MYH14: variants seen among roughly 807,000 people sequenced by gnomAD.
MYH14 encodes the protein myosin heavy chain 14.
A neutral mutation model predicts 255.5 loss-of-function variants in MYH14; 123 were observed. The observed-to-expected ratio is 0.48, with a 90% CI of 0.42 to 0.56. The LOEUF (loss-of-function observed/expected upper bound fraction) is 0.56. Among genes scored for constraint, MYH14 ranks in the 20% least tolerant of loss-of-function variants. The pLI, the probability that MYH14 is intolerant of heterozygous loss-of-function variation, is 0.00. For synonymous variants in MYH14, 1,095 were observed against 1,161.2 expected (o/e 0.94, Z 1.16); for missense variants, 2,423 against 2,802.3 (o/e 0.86, Z 3.06).
intron 40 of MYH14, among the ~76,000 whole-genome samples, chr19:50,306,261 C>T (rs184091125): frequency 6.6e-6 from 1 of 152,320 alleles, no homozygotes; most frequent in Admixed American, 6.5e-5. Context: ...GCCTGGGCAA[C>T]AAGAGTGAAA....
chr19:50,259,184 G>A lies in MYH14; in HGVS notation c.2273G>A (p.Arg758His), dbSNP rs750250667. 5.1e-6 allele frequency: 8 copies of A among 1,569,888 alleles called. No homozygotes were observed. In the East Asian group the frequency reaches 9.4e-5, roughly 19 times the overall value. ...CCACGGCTGGTGCTGGACCAGCTTC[G>A]CTGCAACGGGGTCCTGGAGGGCATC... is the stretch of plus-strand genomic sequence containing the variant. ...LEPRLVLDQLRCNGVLEGIRI... is the reference protein window; with the variant it reads ...LEPRLVLDQLHCNGVLEGIRI... Residue 758 changes from arginine to histidine, a missense_variant, in exon 19 of 43, where the codon CGC becomes CAC. Coordinates refer to ENST00000642316, the MANE Select transcript of MYH14 (RefSeq NM_001145809.2).
chr19:50,216,950 G>A (rs1221850892), intron 2 of MYH14, among the ~76,000 whole-genome samples: 2 of 150,180 alleles, frequency 1.3e-5, no homozygotes, highest in East Asian at 4.0e-4. Context: ...TGGGACTACA[G>A]GCATGTGTCA....
Position 50,289,584 on chromosome 19 carries a change from A to G in MYH14, c.4901A>G (p.His1634Arg), listed in dbSNP as rs1056066716. ...EVTVQALKTQ[H>R]ERDLQGRDEA... ...ACTGTGCAGGCTCTCAAGACTCAGC[A>G]TGAGCGTGACCTGCAGGGCCGTGAT... Residue 1634 changes from histidine (H) to arginine (R), a missense_variant, in exon 35 of 43, where the codon CAT (histidine) becomes CGT (arginine). Physicochemically the swap from His to Arg is conservative, Grantham distance 29 (BLOSUM62 0). Around this residue, in one of 3 missense-constraint regions of MYH14, gnomAD observed 1,513 missense variants for 1,674.8 expected, o/e 0.90. Transcript: ENST00000642316. 1.2e-6 allele frequency: 2 copies of G among 1,613,074 alleles called. No individual in the cohort carries two copies. The highest frequency in any genetic ancestry group is 1.7e-4 in the Middle Eastern group (1 of 6,032).
intron 11 of MYH14, 54 bp downstream of exon 11, chr19:50,244,391 C>T (rs895372224): frequency 1.6e-4 from 237 of 1,442,978 alleles, no homozygotes; most frequent in Non-Finnish European, 2.2e-4. Flanking sequence ...CAGGTGGTGC[C>T]CAGCCCTCCT....
In MYH14 at chr19:50,274,991, A is replaced by C. The variant is rs191482058; in HGVS notation, c.3468-1000A>C. Among the ~76,000 whole-genome samples the C allele has an allele frequency of 2.2e-3, 338 of 151,342 alleles. 1 individual carries two copies. The highest frequency in any genetic ancestry group is 4.2e-3 in the Admixed American group (64 of 15,212). On this transcript the variant is annotated intron_variant, in intron 27 of 42. Transcript: ENST00000642316. ...CATCCCTCCTTCTCCCCAGCCTGGCAGCCTCTGATCCACTTTCTGTCTAAA... is the reference window on the plus strand; with the variant it reads ...CATCCCTCCTTCTCCCCAGCCTGGCCGCCTCTGATCCACTTTCTGTCTAAA...
At chr19:50,254,208 ACT>A (rs1249528975) in intron 16 of MYH14, among the ~76,000 whole-genome samples, 1 of 149,052 alleles carries the variant, frequency 6.7e-6, no homozygotes, top group Non-Finnish European at 1.5e-5. Flanking sequence ...CAAGAGTGAA[ACT>A]CTGTCTCAAA....
At chr19:50,271,682 G>A in intron 25 of MYH14, 136 bp downstream of exon 25, 1 of 1,453,114 alleles carries the variant, frequency 6.9e-7, no homozygotes. Context: ...TGGGTCTATA[G>A]CCCCAAGGGA....
rs2036818145 is a variant in MYH14 at position 50,310,286 on chromosome 19, A to G, written c.*496A>G. 5.5e-6 allele frequency: 1 copy of G among 182,852 alleles called. No homozygotes were observed. Among genetic ancestry groups the G allele is most frequent in the African/African-American group, 2.4e-5 (1 of 41,198 alleles). The allele number at this position is 182,852 out of a possible 1,614,324, so 11.3% of individuals were successfully genotyped here. On this transcript the variant is annotated 3_prime_UTR_variant, in exon 43 of 43. Transcript: ENST00000642316. ...TTTAGGAATCTCGCTCTCACTCTCT[A>G]CGTAGCCACTCTCCTTCCCCCATTT...
chr19:50,286,448 A>G (rs1242746411), intron 33 of MYH14, 34 bp from the exon 34 acceptor site: 3 of 1,586,860 alleles, frequency 1.9e-6, no homozygotes, highest in East Asian at 2.3e-5. Flanking sequence ...CAGCTAATCT[A>G]TTTCCCCCTA....
In MYH14 at chr19:50,253,752, C is replaced by T. The variant is rs993856098; in HGVS notation, c.1945+999C>T. Reference sequence around the variant, plus strand: ...TTTTCCAAGCCTTTTCTGCCACTGCCCCTGCCCCCCCATCCTTAGAGGAGG... The same window carrying T: ...TTTTCCAAGCCTTTTCTGCCACTGCTCCTGCCCCCCCATCCTTAGAGGAGG... On this transcript the variant is annotated intron_variant, in intron 16 of 42. Coordinates refer to ENST00000642316, the MANE Select transcript of MYH14 (RefSeq NM_001145809.2). 3.3e-5 allele frequency among the ~76,000 whole-genome samples: 5 copies of T among 152,144 alleles called. 1 individual carries two copies. The highest frequency in any genetic ancestry group is 3.8e-4 in the East Asian group (2 of 5,200).
At position 50,223,244 on chromosome 19, in the gene MYH14, C is replaced by T. The variant is rs752469700; in HGVS notation, c.591-3C>T. The stretch of plus-strand genomic sequence containing the variant: ...CCTTTGCTTCCCCTTGTCATCCCCA[C>T]AGTGGAGAGTCTGGAGCTGGGAAGA... On this transcript the variant is annotated splice_region_variant and splice_polypyrimidine_tract_variant and intron_variant, in intron 4 of 42. Coordinates refer to ENST00000642316, the MANE Select transcript of MYH14 (RefSeq NM_001145809.2). 1.2e-6 allele frequency: 2 copies of T among 1,613,450 alleles called. No individual in the cohort carries two copies. Among genetic ancestry groups the T allele is most frequent in the Admixed American group, 3.3e-5 (2 of 59,902 alleles).
At chr19:50,245,902 G>A (rs866081423) in intron 11 of MYH14, among the ~76,000 whole-genome samples, 34 of 151,884 alleles carry the variant, frequency 2.2e-4, no homozygotes, top group Middle Eastern at 3.4e-3. Context: ...AACTTTTCAG[G>A]TTATTCACAA....
chr19:50,222,997 TA>T, intron 3 of MYH14, 85 bp from the exon 4 acceptor site: 1 of 1,323,422 alleles, frequency 7.6e-7, no homozygotes, highest in South Asian at 1.2e-5. Context: ...GAATAATTTT[TA>T]AAATGCAGCG....
intron 3 of MYH14, among the ~76,000 whole-genome samples, chr19:50,222,289 G>A (rs1238345410): frequency 1.3e-5 from 2 of 151,926 alleles, no homozygotes; most frequent in Non-Finnish European, 2.9e-5. Flanking sequence ...GACCATCCTG[G>A]CTAACACAGT....
intron 15 of MYH14, among the ~76,000 whole-genome samples, chr19:50,251,521 TACACAC>T (rs56728213): frequency 0.026 from 1,851 of 72,472 alleles, 26 homozygotes; most frequent in East Asian, 0.043. Context: ...ATATACACAC[TACACAC>T]ACACACACAC....
intron 10 of MYH14, among the ~76,000 whole-genome samples, chr19:50,239,035 C>T (rs1213560960): frequency 2.0e-5 from 3 of 152,030 alleles, no homozygotes; most frequent in Non-Finnish European, 2.9e-5. Context: ...TTCTCTCTTG[C>T]GCATGATGGA....
intron 8 of MYH14, among the ~76,000 whole-genome samples, chr19:50,229,626 C>G (rs117877083): frequency 1.2e-3 from 185 of 152,138 alleles, no homozygotes; most frequent in Admixed American, 2.2e-3. Flanking sequence ...GGCAACAGAG[C>G]CAGACCCTGT....
At chr19:50,210,325 C>A (rs1470990276) in intron 1 of MYH14, 38 bp from the exon 2 acceptor site, 2 of 1,530,684 alleles carry the variant, frequency 1.3e-6, no homozygotes, top group East Asian at 2.5e-5. Context: ...GGGGACGGAG[C>A]CCCATCTGAC....
At chr19:50,273,988 T>C (rs1261267389) in intron 27 of MYH14, among the ~76,000 whole-genome samples, 1 of 152,160 alleles carries the variant, frequency 6.6e-6, no homozygotes, top group Non-Finnish European at 1.5e-5. Context: ...TTTCTAGTCA[T>C]GTGACCTCAT....
Sources: allele counts gnomAD v4.1 joint callset (sites outside exome capture counted in the v4.1 genomes callset), GRCh38; gene constraint gnomAD v4.1.1; regional missense constraint gnomAD v4.1.1; transcripts MANE v1.5; gene names NCBI Gene and HGNC (gene_info 2026-07-23, HGNC 2026-07-21).